The following NRG1 variants were observed in gnomAD, a reference collection of about 807,000 sequenced individuals.
NRG1 encodes the protein neuregulin 1, also known as pro-neuregulin-1, membrane-bound isoform.
In NRG1, 18 loss-of-function variants were observed where a neutral mutation model predicts 63.8. That is an observed-to-expected ratio of 0.28 (90% CI 0.19 to 0.42). The LOEUF (loss-of-function observed/expected upper bound fraction) is 0.42. Ranked by LOEUF, NRG1 falls within the 10% of genes least tolerant of loss-of-function variation. The pLI, the probability that NRG1 is intolerant of heterozygous loss-of-function variation, is 1.00. For missense variants in NRG1, 762 were observed against 814.7 expected (o/e 0.94, Z 0.79); for synonymous variants, 302 against 301.3 (o/e 1.00, Z -0.02).
In NRG1 at chr8:32,706,677, T is replaced by C. The variant is rs563624476; in HGVS notation, c.503-21272T>C. Among the ~76,000 whole-genome samples the C allele has an allele frequency of 9.2e-5, 14 of 152,284 alleles. No individual in the cohort carries two copies. The South Asian group carries it at 2.5e-3, about 27-fold the overall frequency. On this transcript the variant is annotated intron_variant, in intron 5 of 11. Coordinates refer to ENST00000356819, the Ensembl canonical transcript of NRG1. ...CAACGTTAGCCTCTAATTATGACAC[T>C]GAGGATACCCAAATTTAAAAATTTC...
intron 1 of NRG1, among the ~76,000 whole-genome samples, chr8:32,146,285 T>A (rs942329114): frequency 6.6e-6 from 1 of 152,234 alleles, no homozygotes; most frequent in Non-Finnish European, 1.5e-5. Context: ...GTAAAATGTT[T>A]AATTGGAACT....
At chr8:32,412,451 T>TATATATAC (rs1340279592) in intron 1 of NRG1, among the ~76,000 whole-genome samples, 1 of 59,952 alleles carries the variant, frequency 1.7e-5, no homozygotes, top group African/African-American at 6.1e-5. Context: ...TATATATATA[T>TATATATAC]ACATATATAT....
intron 5 of NRG1, among the ~76,000 whole-genome samples, chr8:32,630,762 T>C (rs1184804476): frequency 6.6e-6 from 1 of 151,656 alleles, no homozygotes; most frequent in Non-Finnish European, 1.5e-5. Context: ...GATGGCATTC[T>C]CATCCCTGCT....
At chr8:32,491,383 T>C (rs1826539045) in intron 1 of NRG1, among the ~76,000 whole-genome samples, 1 of 152,232 alleles carries the variant, frequency 6.6e-6, no homozygotes, top group Non-Finnish European at 1.5e-5. Flanking sequence ...ATTACTATTT[T>C]AATAAATTTC....
At chr8:32,234,554 TTCCATA>T (rs1847331353) in intron 1 of NRG1, among the ~76,000 whole-genome samples, 2 of 152,202 alleles carry the variant, frequency 1.3e-5, no homozygotes, top group Admixed American at 1.3e-4. Flanking sequence ...TCGCTCTACA[TTCCATA>T]TTCTTCCCAT....
Position 32,606,781 on chromosome 8 carries a change from A to G in NRG1, c.400+1098A>G, listed in dbSNP as rs189475243. On this transcript the variant is annotated intron_variant, in intron 3 of 11. Coordinates refer to ENST00000356819, the Ensembl canonical transcript of NRG1. ...AGATGAGAAAGATTCTGCATTTCAAAGGCAAGCGCTCTTAAAGTGATAAGG... is the reference window on the plus strand; with the variant it reads ...AGATGAGAAAGATTCTGCATTTCAAGGGCAAGCGCTCTTAAAGTGATAAGG... 9.4e-4 allele frequency among the ~76,000 whole-genome samples: 143 copies of G among 152,288 alleles called. 2 individuals carry two copies. The highest frequency in any genetic ancestry group is 3.3e-3 in the African/African-American group (136 of 41,582).
intron 1 of NRG1, among the ~76,000 whole-genome samples, chr8:31,794,840 TC>T (rs902482305): frequency 5.3e-5 from 8 of 152,106 alleles, no homozygotes; most frequent in African/African-American, 1.4e-4. Flanking sequence ...TCCCACTCTA[TC>T]ACCCAGGCTG....
At position 32,357,548 on chromosome 8, in the gene NRG1, C is replaced by A. The variant is rs1806605566; in HGVS notation, c.38-238280C>A. Among the ~76,000 whole-genome samples the A allele has an allele frequency of 2.0e-5, 3 of 152,070 alleles. No homozygotes were observed. The South Asian group carries it at 6.2e-4, about 32-fold the overall frequency. ...CCAACAAAAGTTTTTTTCATCATGT[C>A]CTGCTTTTACAAACCAAGATCTAAT... On this transcript the variant is annotated intron_variant, in intron 1 of 10. Coordinates refer to the NRG1 transcript ENST00000519301.
intron 1 of NRG1, among the ~76,000 whole-genome samples, chr8:32,163,783 CG>C (rs1563858236): frequency 6.6e-6 from 1 of 152,186 alleles, no homozygotes; most frequent in Non-Finnish European, 1.5e-5. Context: ...CATTCATTTT[CG>C]GATTCTTGGC....
At chr8:32,730,617 T>A (rs1268211600) in intron 6 of NRG1, among the ~76,000 whole-genome samples, 1 of 152,226 alleles carries the variant, frequency 6.6e-6, no homozygotes, top group African/African-American at 2.4e-5. Flanking sequence ...TGCAGCAGAA[T>A]AAAAATCTGT....
chr8:32,375,427 G>C (rs1809497202), intron 1 of NRG1, among the ~76,000 whole-genome samples: 1 of 152,112 alleles, frequency 6.6e-6, no homozygotes, highest in East Asian at 1.9e-4. Flanking sequence ...AAACTTGTCA[G>C]TTGTATATTT....
chr8:32,711,586 T>C (rs1261147302), intron 5 of NRG1, among the ~76,000 whole-genome samples: 1 of 152,180 alleles, frequency 6.6e-6, no homozygotes, highest in Non-Finnish European at 1.5e-5. Context: ...TATGCTGTAA[T>C]GTTACGCTAT....
chr8:31,733,944 C>T (rs561097984), intron 1 of NRG1, among the ~76,000 whole-genome samples: 1 of 152,238 alleles, frequency 6.6e-6, no homozygotes, highest in African/African-American at 2.4e-5. Context: ...TGGACTCGGG[C>T]TAGGTGATCT....
At chr8:32,517,785 A>G (rs1829974767) in intron 1 of NRG1, among the ~76,000 whole-genome samples, 1 of 152,194 alleles carries the variant, frequency 6.6e-6, no homozygotes, top group Admixed American at 6.5e-5. Context: ...TTTGAGTGCT[A>G]AGACAAGATT....
intron 1 of NRG1, among the ~76,000 whole-genome samples, chr8:31,884,048 T>G (rs1310943693): frequency 6.6e-6 from 1 of 152,116 alleles, no homozygotes; most frequent in African/African-American, 2.4e-5. Flanking sequence ...TATTACTATT[T>G]AGATCCTGAA....
intron 1 of NRG1, among the ~76,000 whole-genome samples, chr8:31,682,693 C>T (rs1266274329): frequency 6.6e-6 from 1 of 151,890 alleles, no homozygotes; most frequent in African/African-American, 2.4e-5. Context: ...AAAATACTGT[C>T]CAGCTATGGA....
At chr8:32,130,440 G>A (rs1834658539) in intron 1 of NRG1, among the ~76,000 whole-genome samples, 1 of 151,786 alleles carries the variant, frequency 6.6e-6, no homozygotes, top group Non-Finnish European at 1.5e-5. Flanking sequence ...TGAAAATGGT[G>A]CATTTGGGAA....
At chr8:32,473,684 G>GT (rs1824126296) in intron 1 of NRG1, among the ~76,000 whole-genome samples, 1 of 151,994 alleles carries the variant, frequency 6.6e-6, no homozygotes, top group South Asian at 2.1e-4. Flanking sequence ...TTTATTTTAT[G>GT]TTTTTTGTTT....
At chr8:32,716,131 C>G (rs1479330520) in intron 5 of NRG1, among the ~76,000 whole-genome samples, 1 of 152,190 alleles carries the variant, frequency 6.6e-6, no homozygotes, top group African/African-American at 2.4e-5. Flanking sequence ...ATGGGAGTCA[C>G]TGGATTCTGT....
Sources: allele counts gnomAD v4.1 joint callset (sites outside exome capture counted in the v4.1 genomes callset), GRCh38; gene constraint gnomAD v4.1.1; transcripts MANE v1.5; gene names NCBI Gene and HGNC (gene_info 2026-07-23, HGNC 2026-07-21).